RABGAP1L: variants seen among roughly 807,000 people sequenced by gnomAD.
The protein encoded by RABGAP1L is rab GTPase-activating protein 1-like.
Under a neutral mutation model 137.7 loss-of-function variants are expected in RABGAP1L, and 63 were observed. The ratio of observed to expected loss-of-function variants is 0.46; its 90% CI spans 0.37 to 0.56. RABGAP1L has a LOEUF of 0.56. Ranked by LOEUF, RABGAP1L falls within the 20% of genes least tolerant of loss-of-function variation. The pLI is 0.00. For synonymous variants in RABGAP1L, 431 were observed against 433.7 expected (o/e 0.99, Z 0.08); for missense variants, 1,095 against 1,244.0 (o/e 0.88, Z 1.80).
intron 17 of RABGAP1L, among the ~76,000 whole-genome samples, chr1:174,727,725 A>G (rs1207808806): frequency 6.6e-6 from 1 of 152,256 alleles, no homozygotes; most frequent in Non-Finnish European, 1.5e-5. Flanking sequence ...GGTGATGGAT[A>G]TGCTGATTAG....
Position 174,231,299 on chromosome 1 carries a change from T to C in RABGAP1L, c.486T>C (p.Ser162=). The C allele has an allele frequency of 6.2e-7, 1 of 1,614,160 alleles. No individual in the cohort carries two copies. The highest frequency in any genetic ancestry group is 8.5e-7 in the Non-Finnish European group (1 of 1,180,010). The change falls in exon 4 of 26, where the codon AGT becomes AGC. Residue 162 remains serine, a synonymous_variant. Coordinates refer to ENST00000681986, the MANE Select transcript of RABGAP1L (RefSeq NM_001366446.1). ...CAATGGCAACCATGAAATCTTCCAG[T>C]CAATACCCCTTTCCTGTTACCCTGT... ...LRAMATMKSS[S]QYPFPVTLYV...
At chr1:174,842,868 T>A (rs530580912) in intron 19 of RABGAP1L, among the ~76,000 whole-genome samples, 162 of 152,334 alleles carry the variant, frequency 1.1e-3, no homozygotes, top group African/African-American at 3.7e-3. Flanking sequence ...CTTATTTAAT[T>A]ATTCTTTAAA....
At chr1:174,495,580 C>T (rs1660665775) in intron 13 of RABGAP1L, among the ~76,000 whole-genome samples, 1 of 152,160 alleles carries the variant, frequency 6.6e-6, no homozygotes, top group African/African-American at 2.4e-5. Flanking sequence ...TCTCCCCAAC[C>T]CACCAGCATT....
At chr1:174,932,040 T>C (rs1390059359) in intron 19 of RABGAP1L, among the ~76,000 whole-genome samples, 1 of 139,392 alleles carries the variant, frequency 7.2e-6, no homozygotes, top group Non-Finnish European at 1.5e-5. Context: ...TTTTGAGCTA[T>C]ACTTGCTCAA....
intron 9 of RABGAP1L, 131 bp from the exon 10 acceptor site, chr1:174,278,482 A>G (rs1558093246): frequency 1.5e-6 from 1 of 668,322 alleles, no homozygotes; most frequent in South Asian, 2.0e-5. Context: ...TGTGAATAGA[A>G]CAGTTAAAAA....
At position 174,382,869 on chromosome 1, in the gene RABGAP1L, C is replaced by T. The variant is rs1266591373; in HGVS notation, c.1560-11126C>T. The stretch of plus-strand genomic sequence containing the variant: ...CCTTTGGAGGAGGAGAGACACTCTG[C>T]GTTTTAGAGTTTCCAGTTTTTCTGT... On this transcript the variant is annotated intron_variant, in intron 12 of 25. Coordinates refer to ENST00000681986, the MANE Select transcript of RABGAP1L (RefSeq NM_001366446.1). Among the ~76,000 whole-genome samples the T allele has an allele frequency of 5.3e-5, 8 of 152,040 alleles. No homozygotes were observed. In the East Asian group the frequency reaches 1.3e-3, roughly 26 times the overall value.
chr1:174,532,189 A>G (rs909581891), intron 13 of RABGAP1L, among the ~76,000 whole-genome samples: 2 of 151,636 alleles, frequency 1.3e-5, no homozygotes, highest in African/African-American at 2.4e-5. Context: ...GAAGGATCAC[A>G]GGAGTTTTTT....
chr1:174,737,000 C>A (rs1053330967), intron 17 of RABGAP1L, among the ~76,000 whole-genome samples: 1 of 152,158 alleles, frequency 6.6e-6, no homozygotes, highest in Non-Finnish European at 1.5e-5. Context: ...CTCTGAAATA[C>A]CTTCAAGGCC....
At chr1:174,418,540 G>A (rs193106287) in intron 13 of RABGAP1L, among the ~76,000 whole-genome samples, 4 of 152,294 alleles carry the variant, frequency 2.6e-5, no homozygotes, top group Admixed American at 1.3e-4. Context: ...GCCTGTAGCA[G>A]TGGAGTGTCC....
chr1:174,746,155 A>G (rs1683844863), intron 17 of RABGAP1L, among the ~76,000 whole-genome samples: 1 of 152,160 alleles, frequency 6.6e-6, no homozygotes, highest in Admixed American at 6.5e-5. Flanking sequence ...TGTTTCAGTG[A>G]GTGCTCTACT....
chr1:174,196,565 A>C (rs1667707841), intron 1 of RABGAP1L, among the ~76,000 whole-genome samples: 1 of 150,628 alleles, frequency 6.6e-6, no homozygotes, highest in Non-Finnish European at 1.5e-5. Context: ...TTGAGTTTTT[A>C]ATCTTTTTTC....
At chr1:174,435,447 A>T (rs1289369540) in intron 13 of RABGAP1L, among the ~76,000 whole-genome samples, 4 of 151,998 alleles carry the variant, frequency 2.6e-5, no homozygotes, top group Admixed American at 2.6e-4. Context: ...TTTTCTATAT[A>T]TTGTGAGGAC....
intron 13 of RABGAP1L, among the ~76,000 whole-genome samples, chr1:174,450,583 G>A (rs1262466696): frequency 6.6e-6 from 1 of 152,158 alleles, no homozygotes; most frequent in Non-Finnish European, 1.5e-5. Context: ...AGAGCTGACA[G>A]TATTTTCTTT....
chr1:174,597,550 G>C (rs1443980358), intron 13 of RABGAP1L, among the ~76,000 whole-genome samples: 1 of 151,812 alleles, frequency 6.6e-6, no homozygotes, highest in African/African-American at 2.4e-5. Context: ...TGTGGAATCA[G>C]TTGTAATTTT....
At chr1:174,572,818 A>C (rs1275990302) in intron 13 of RABGAP1L, among the ~76,000 whole-genome samples, 75 of 152,236 alleles carry the variant, frequency 4.9e-4, no homozygotes, top group Admixed American at 4.9e-3. Context: ...GCCACACTTA[A>C]GGCAGAAAAG....
intron 13 of RABGAP1L, among the ~76,000 whole-genome samples, chr1:174,582,777 A>G (rs1337207819): frequency 1.3e-5 from 2 of 152,168 alleles, no homozygotes; most frequent in Non-Finnish European, 2.9e-5. Flanking sequence ...TAGGTTTATA[A>G]AAGACAAACT....
chr1:174,670,917 A>G (rs1169897200), intron 14 of RABGAP1L, among the ~76,000 whole-genome samples: 1 of 152,098 alleles, frequency 6.6e-6, no homozygotes, highest in East Asian at 1.9e-4. Context: ...TAGCAATGGG[A>G]TTGCTGGATC....
At chr1:174,192,636 A>G (rs183198279) in intron 1 of RABGAP1L, among the ~76,000 whole-genome samples, 1 of 152,280 alleles carries the variant, frequency 6.6e-6, no homozygotes, top group African/African-American at 2.4e-5. Context: ...ATTTCTTAAC[A>G]GAGAAGAGAA....
chr1:174,744,451 A>T (rs538996107), intron 17 of RABGAP1L, among the ~76,000 whole-genome samples: 1 of 152,336 alleles, frequency 6.6e-6, no homozygotes, highest in South Asian at 2.1e-4. Context: ...GAGAAGCCAA[A>T]TGGATTTTCT....
Sources: gnomAD v4.1 joint callset for allele counts (sites outside exome capture counted in the v4.1 genomes callset) on GRCh38, gnomAD v4.1.1 for gene constraint, MANE v1.5 for transcripts, NCBI Gene and HGNC (gene_info 2026-07-23, HGNC 2026-07-21) for gene names.